The following FGD6 variants were observed in gnomAD, a reference collection of about 807,000 sequenced individuals.
The protein encoded by FGD6 is FYVE, RhoGEF and PH domain-containing protein 6.
FGD6 carries 90 observed loss-of-function variants against 149.4 expected under a neutral mutation model. The observed-to-expected ratio is 0.60, with a 90% CI of 0.51 to 0.72. The LOEUF is 0.72. Among genes scored for constraint, FGD6 ranks in the 30% least tolerant of loss-of-function variants. FGD6 has a pLI of 0.00. For synonymous variants in FGD6, 527 were observed against 584.0 expected (o/e 0.90, Z 1.41); for missense variants, 1,437 against 1,684.8 (o/e 0.85, Z 2.57).
intron 2 of FGD6, among the ~76,000 whole-genome samples, chr12:95,199,233 G>A (rs537523488): frequency 6.6e-6 from 1 of 152,120 alleles, no homozygotes; most frequent in South Asian, 2.1e-4. Flanking sequence ...AAGTCTTCAC[G>A]GGCTTTGGTT....
In FGD6 at chr12:95,190,079, T is replaced by C. The variant is rs550142251; in HGVS notation, c.2442-17335A>G. Among the ~76,000 whole-genome samples the C allele has an allele frequency of 1.7e-3, 253 of 152,366 alleles. 1 individual carries two copies. The highest frequency in any genetic ancestry group is 5.9e-3 in the African/African-American group (247 of 41,594). ...GTACTATATTAAATAGTTTTCAGTT[T>C]GTCTTTACAAATCCTTTAAGCATTT... On this transcript the variant is annotated intron_variant, in intron 2 of 20. Coordinates refer to ENST00000343958, the MANE Select transcript of FGD6 (RefSeq NM_018351.4).
chr12:95,194,130 G>T (rs1047768469), intron 2 of FGD6, among the ~76,000 whole-genome samples: 1 of 151,854 alleles, frequency 6.6e-6, no homozygotes, highest in African/African-American at 2.4e-5. Context: ...TCGCCAAGTT[G>T]CCCAGGTTGG....
intron 2 of FGD6, among the ~76,000 whole-genome samples, chr12:95,206,002 CT>C (rs2056691246): frequency 6.6e-6 from 1 of 152,182 alleles, no homozygotes; most frequent in Non-Finnish European, 1.5e-5. Flanking sequence ...CCTTATGCCA[CT>C]GGCTGGCTGC....
intron 8 of FGD6, among the ~76,000 whole-genome samples, chr12:95,123,584 T>G (rs1268539027): frequency 6.6e-6 from 1 of 151,490 alleles, no homozygotes; most frequent in Non-Finnish European, 1.5e-5. Context: ...TTTTTTGAGA[T>G]GGGGTCTCTC....
rs1248210640 is a variant in FGD6, at chr12:95,149,454, GTATAT to G, written c.2685+3352_2685+3356del. Among the ~76,000 whole-genome samples the G allele has an allele frequency of 2.4e-5, 3 of 124,662 alleles. No homozygotes were observed. In the Admixed American group the frequency reaches 3.1e-4, roughly 13 times the overall value. 81.8% of individuals were successfully genotyped at this position (124,662 alleles called of 152,430 possible). On this transcript the variant is annotated intron_variant, in intron 5 of 20. Coordinates refer to ENST00000343958, the MANE Select transcript of FGD6 (RefSeq NM_018351.4). Reference sequence around the variant, plus strand: ...TAGCATATATTATATATAATACATAGTATATTATACATCACATAGTATATATCACA... The same window carrying G: ...TAGCATATATTATATATAATACATAGTATACATCACATAGTATATATCACA...
At chr12:95,177,882 C>T (rs965538662) in intron 2 of FGD6, among the ~76,000 whole-genome samples, 5 of 149,054 alleles carry the variant, frequency 3.4e-5, no homozygotes, top group African/African-American at 1.3e-4. Flanking sequence ...ACAGTAAAAC[C>T]ATGAATCAAA....
At chr12:95,187,962 G>A (rs986419622) in intron 2 of FGD6, among the ~76,000 whole-genome samples, 2 of 152,022 alleles carry the variant, frequency 1.3e-5, no homozygotes, top group African/African-American at 4.8e-5. Flanking sequence ...GAATTCACAG[G>A]TATTCCACTA....
intron 2 of FGD6, among the ~76,000 whole-genome samples, chr12:95,179,655 C>T (rs957003543): frequency 1.6e-4 from 24 of 152,014 alleles, no homozygotes; most frequent in Non-Finnish European, 1.0e-4. Flanking sequence ...ATGCTTGCAA[C>T]TTTTATATGT....
intron 2 of FGD6, among the ~76,000 whole-genome samples, chr12:95,183,037 T>A (rs1881328875): frequency 1.3e-5 from 2 of 152,220 alleles, no homozygotes; most frequent in African/African-American, 2.4e-5. Context: ...CACGCTATGC[T>A]CTTGATTGTG....
intron 7 of FGD6, among the ~76,000 whole-genome samples, chr12:95,135,939 C>T (rs998890986): frequency 5.3e-5 from 8 of 152,246 alleles, no homozygotes; most frequent in African/African-American, 1.7e-4. Flanking sequence ...TTACATTGCA[C>T]TTTGTTTTTT....
chr12:95,209,982 A>G lies in FGD6; in HGVS notation c.1302T>C (p.Ser434=), dbSNP rs112081640. The G allele has an allele frequency of 4.1e-3, 6,681 of 1,613,170 alleles. 32 individuals are homozygous for G. Among genetic ancestry groups the G allele is most frequent in the Non-Finnish European group, 5.0e-3 (5,871 of 1,179,720 alleles). ...CTTCGTCCACAGCAAGCGACATACT[A>G]GAACCATCTACAGTTGTGCTGTCAG... ...LSSDSTTVDG[S]SMSLAVDEGT... is the part of the protein sequence containing the mutation. Residue 434 remains serine, a synonymous_variant, in exon 2 of 21, where the codon TCT becomes TCC. Coordinates refer to ENST00000343958, the MANE Select transcript of FGD6 (RefSeq NM_018351.4).
chr12:95,093,847 C>CAAAAAAAA (rs1878150132), intron 15 of FGD6, among the ~76,000 whole-genome samples: 1 of 143,856 alleles, frequency 7.0e-6, no homozygotes, highest in African/African-American at 2.6e-5. Flanking sequence ...TACTCCATCT[C>CAAAAAAAA]AACAAAAAAA....
intron 2 of FGD6, among the ~76,000 whole-genome samples, chr12:95,205,669 T>A (rs926152660): frequency 6.6e-6 from 1 of 152,222 alleles, no homozygotes; most frequent in African/African-American, 2.4e-5. Flanking sequence ...ACTGTTCATT[T>A]ATTTGATCTC....
At chr12:95,189,936 T>C (rs1425682995) in intron 2 of FGD6, among the ~76,000 whole-genome samples, 1 of 152,248 alleles carries the variant, frequency 6.6e-6, no homozygotes, top group Non-Finnish European at 1.5e-5. Flanking sequence ...CTTCGCTTGT[T>C]AGTACTAACT....
intron 2 of FGD6, among the ~76,000 whole-genome samples, chr12:95,206,090 A>T (rs1454740357): frequency 6.6e-6 from 1 of 152,170 alleles, no homozygotes; most frequent in African/African-American, 2.4e-5. Context: ...TAACAGATAA[A>T]AAACAAGCTC....
chr12:95,106,389 G>A (rs1246526486), intron 13 of FGD6, among the ~76,000 whole-genome samples: 1 of 151,258 alleles, frequency 6.6e-6, no homozygotes, highest in Non-Finnish European at 1.5e-5. Context: ...TCCTGCCTCA[G>A]CCTCCTGAGT....
chr12:95,127,345 A>C (rs1415991904), intron 8 of FGD6, among the ~76,000 whole-genome samples: 1 of 152,170 alleles, frequency 6.6e-6, no homozygotes, highest in Non-Finnish European at 1.5e-5. Context: ...GGAGTTCCAG[A>C]CCAGCCTGGC....
At chr12:95,179,216 C>A (rs1413425773) in intron 2 of FGD6, among the ~76,000 whole-genome samples, 2 of 151,898 alleles carry the variant, frequency 1.3e-5, no homozygotes, top group African/African-American at 2.4e-5. Context: ...ATAATCAGAG[C>A]CGGGGTGGTG....
chr12:95,112,876 A>G (rs564584075), intron 9 of FGD6, among the ~76,000 whole-genome samples: 1 of 152,272 alleles, frequency 6.6e-6, no homozygotes, highest in Non-Finnish European at 1.5e-5. Context: ...GTGCCAGAAT[A>G]ATATGCTTTT....
Sources: allele counts gnomAD v4.1 joint callset (sites outside exome capture counted in the v4.1 genomes callset), GRCh38; gene constraint gnomAD v4.1.1; transcripts MANE v1.5; gene names NCBI Gene and HGNC (gene_info 2026-07-23, HGNC 2026-07-21).